CFH: variants seen among roughly 807,000 people sequenced by gnomAD.
CFH encodes the protein complement factor H.
In CFH, 53 loss-of-function variants were observed where a neutral mutation model predicts 147.3. That is an observed-to-expected ratio of 0.36 (90% confidence interval 0.29 to 0.45). The LOEUF (loss-of-function observed/expected upper bound fraction) is 0.45, where lower values mean the gene tolerates loss of function less well. Ranked by LOEUF, CFH falls within the 20% of genes least tolerant of loss-of-function variation. The pLI is 1.00. For synonymous variants in CFH, 536 were observed against 489.4 expected, an observed-to-expected ratio of 1.10 and a Z score of -1.26; for missense variants, 1,380 against 1,498.0, an observed-to-expected ratio of 0.92 and a Z score of 1.30.
intron 10 of CFH, among the ~76,000 whole-genome samples, chr1:196,714,668 T>TAGAGAGAG (rs1205328020): frequency 1.3e-3 from 27 of 21,308 alleles, no homozygotes; most frequent in South Asian, 3.4e-3. Flanking sequence ...TATATATATA[T>TAGAGAGAG]AGAGAGAGAG....
At chr1:196,734,531 G>A (rs1243919475) in intron 15 of CFH, among the ~76,000 whole-genome samples, 1 of 152,060 alleles carries the variant, frequency 6.6e-6, no homozygotes, top group African/African-American at 2.4e-5. Flanking sequence ...TTTCCTCTCT[G>A]AGGGAGAAGC....
intron 19 of CFH, among the ~76,000 whole-genome samples, chr1:196,742,407 A>G (rs1652838545): frequency 6.6e-6 from 1 of 152,178 alleles, no homozygotes; most frequent in African/African-American, 2.4e-5. Context: ...ATAAATAAAT[A>G]TATAAGTACA....
At chr1:196,687,395 C>T (rs1274468469) in intron 7 of CFH, among the ~76,000 whole-genome samples, 1 of 151,512 alleles carries the variant, frequency 6.6e-6, no homozygotes, top group East Asian at 2.0e-4. Context: ...TAAATGTGAC[C>T]AAATTAGAGA....
At chr1:196,729,970 G>A (rs1268586849) in intron 15 of CFH, among the ~76,000 whole-genome samples, 3 of 151,376 alleles carry the variant, frequency 2.0e-5, no homozygotes, top group East Asian at 1.9e-4. Context: ...TCTTTAAGCC[G>A]TATCTCTCTT....
chr1:196,714,635 G>GTGTATATATATATATA (rs1392624278), intron 10 of CFH, among the ~76,000 whole-genome samples: 15 of 24,920 alleles, frequency 6.0e-4, no homozygotes, highest in Admixed American at 2.2e-3. Context: ...ACGTATATAT[G>GTGTATATATATATATA]TATATATATA....
chr1:196,740,877 A>G, intron 18 of CFH, 85 bp downstream of exon 18: 1 of 1,321,094 alleles, frequency 7.6e-7, no homozygotes, highest in Non-Finnish European at 1.1e-6. Flanking sequence ...GTAAACAGGG[A>G]CTCTAGAAAT....
At chr1:196,721,220 T>C (rs1245713894) in intron 11 of CFH, among the ~76,000 whole-genome samples, 2 of 152,036 alleles carry the variant, frequency 1.3e-5, no homozygotes, top group Non-Finnish European at 2.9e-5. Flanking sequence ...TTCAGATTCA[T>C]AGTTTGCAAA....
rs118032099 is a variant in CFH at position 196,682,064 on chromosome 1, C to T, written c.790+2271C>T. Among the ~76,000 whole-genome samples, 442 of 151,868 alleles carry T rather than the reference C, an allele frequency of 2.9e-3. 2 individuals carry two copies. The highest frequency in any genetic ancestry group is 0.021 in the East Asian group (107 of 5,170). Reference sequence around the variant, plus strand: ...TTTCTTCAATCTGGTCTATGGCACACACATGTCAGAGGACTGATTTAAAGG... The same window carrying T: ...TTTCTTCAATCTGGTCTATGGCACATACATGTCAGAGGACTGATTTAAAGG... On this transcript the variant is annotated intron_variant, in intron 6 of 21. Transcript: ENST00000367429.
intron 17 of CFH, 38 bp downstream of exon 17, chr1:196,737,698 A>G: frequency 6.4e-7 from 1 of 1,550,852 alleles, no homozygotes; most frequent in South Asian, 1.1e-5. Flanking sequence ...TGTTTATAGT[A>G]GAATTCATAA....
intron 9 of CFH, among the ~76,000 whole-genome samples, chr1:196,697,359 A>G (rs1052774608): frequency 2.0e-5 from 3 of 151,968 alleles, no homozygotes. Flanking sequence ...ATGAACAGAC[A>G]CTTCTCAAAA....
intron 1 of CFH, among the ~76,000 whole-genome samples, chr1:196,671,316 A>G (rs1267058401): frequency 4.6e-5 from 7 of 152,060 alleles, no homozygotes; most frequent in Non-Finnish European, 8.8e-5. Flanking sequence ...TTTTGTTCAC[A>G]GTTGTTTTTG....
rs1669349549 is a variant in CFH, at chr1:196,734,363, T to TG, written c.2414-2461_2414-2460insG. Among the ~76,000 whole-genome samples, 3 of 152,040 alleles carry TG rather than the reference T, an allele frequency of 2.0e-5. No homozygotes were observed. The South Asian group carries it at 6.2e-4, about 32-fold the overall frequency. ...AGTCAGGAGCTTCCACTTCTGCCAT[T>TG]TTGCTGACATCACTCCCTGCCTAGC... On this transcript the variant is annotated intron_variant, in intron 15 of 21. Transcript: ENST00000367429.
At chr1:196,660,572 T>C (rs1666864954) in intron 1 of CFH, among the ~76,000 whole-genome samples, 1 of 152,136 alleles carries the variant, frequency 6.6e-6, no homozygotes, top group Non-Finnish European at 1.5e-5. Flanking sequence ...ACTAAGATTT[T>C]GAAGATGGTA....
intron 1 of CFH, among the ~76,000 whole-genome samples, chr1:196,671,886 TAA>T (rs537109833): frequency 3.5e-4 from 52 of 149,788 alleles, no homozygotes; most frequent in Middle Eastern, 7.1e-3. Context: ...AACATATATA[TAA>T]GAGCTTTTAT....
intron 1 of CFH, among the ~76,000 whole-genome samples, chr1:196,653,482 G>T (rs1303704294): frequency 1.3e-5 from 2 of 151,650 alleles, no homozygotes; most frequent in African/African-American, 4.8e-5. Context: ...AAATTTATGG[G>T]AATGTTTCTA....
chr1:196,715,271 T>TA, intron 10 of CFH, among the ~76,000 whole-genome samples: 1 of 152,180 alleles, frequency 6.6e-6, no homozygotes, highest in Admixed American at 6.6e-5. Context: ...TGATTTTCTT[T>TA]AAAAAATAAT....
intron 9 of CFH, among the ~76,000 whole-genome samples, chr1:196,703,852 T>C (rs921901777): frequency 1.3e-5 from 2 of 151,396 alleles, no homozygotes; most frequent in African/African-American, 2.4e-5. Context: ...GGCATGGTGG[T>C]GGGCACCTGT....
intron 9 of CFH, chr1:196,701,340 T>C (rs1194662345): frequency 6.2e-7 from 1 of 1,613,710 alleles, no homozygotes; most frequent in Admixed American, 1.7e-5. Context: ...GAACTTCTGA[T>C]CGAAGGTCAT....
At chr1:196,709,060 G>A (rs1385896712) in intron 9 of CFH, among the ~76,000 whole-genome samples, 4 of 152,170 alleles carry the variant, frequency 2.6e-5, no homozygotes. Context: ...TTTACAGAGA[G>A]GAGTCTGTAC....
Sources: allele counts gnomAD v4.1 joint callset (sites outside exome capture counted in the v4.1 genomes callset), GRCh38; gene constraint gnomAD v4.1.1; transcripts MANE v1.5; gene names NCBI Gene and HGNC (gene_info 2026-07-23, HGNC 2026-07-21).